GHR: variants seen among roughly 807,000 people sequenced by gnomAD.
GHR encodes GH receptor.
GHR carries 35 observed loss-of-function variants against 67.1 expected under a neutral mutation model. The ratio of observed to expected loss-of-function variants is 0.52; its 90% CI spans 0.40 to 0.69. The LOEUF (loss-of-function observed/expected upper bound fraction) is 0.69, where lower values mean the gene tolerates loss of function less well. GHR is among the 30% of genes least tolerant of loss of function. The probability of loss-of-function intolerance (pLI) is 0.00; values close to 1 mark genes in which losing one functional copy is unlikely to be tolerated. For synonymous variants in GHR, 272 were observed against 269.1 expected, an observed-to-expected ratio of 1.01 and a Z score of -0.10; for missense variants, 792 against 764.6, an observed-to-expected ratio of 1.04 and a Z score of -0.42.
Position 42,603,773 on chromosome 5 carries a change from G to A in GHR, c.71-25265G>A, listed in dbSNP as rs190325598. ...CCTTCACACAACAAGTAAGCAATCA[G>A]TTCTGCAGTAAATACCAGTTTGGTG... On this transcript the variant is annotated intron_variant, in intron 2 of 9. Transcript: ENST00000230882. Among the ~76,000 whole-genome samples the A allele has an allele frequency of 9.5e-4, 144 of 152,284 alleles. 1 individual carries two copies. Among genetic ancestry groups the A allele is most frequent in the African/African-American group, 3.4e-3 (142 of 41,560 alleles).
chr5:42,527,929 G>A (rs1055488845), intron 1 of GHR, among the ~76,000 whole-genome samples: 2 of 152,132 alleles, frequency 1.3e-5, no homozygotes, highest in Non-Finnish European at 2.9e-5. Flanking sequence ...CAATACATGT[G>A]TAATAGTACA....
intron 1 of GHR, among the ~76,000 whole-genome samples, chr5:42,540,218 TC>T (rs1748444831): frequency 1.3e-5 from 2 of 151,780 alleles, no homozygotes; most frequent in Non-Finnish European, 2.9e-5. Context: ...TCTCTCTCTC[TC>T]TGTATCTCTC....
intron 3 of GHR, among the ~76,000 whole-genome samples, chr5:42,676,221 G>A (rs538387471): frequency 6.6e-6 from 1 of 152,190 alleles, no homozygotes; most frequent in Admixed American, 6.5e-5. Context: ...GGAGGCGGAG[G>A]TTGCAGTGAG....
At chr5:42,443,907 C>G (rs192690193) in intron 1 of GHR, among the ~76,000 whole-genome samples, 1 of 151,586 alleles carries the variant, frequency 6.6e-6, no homozygotes, top group African/African-American at 2.4e-5. Context: ...TAATGTTTGA[C>G]AACATATCTG....
intron 3 of GHR, among the ~76,000 whole-genome samples, chr5:42,658,479 A>G (rs1755379271): frequency 6.6e-6 from 1 of 152,238 alleles, no homozygotes; most frequent in Non-Finnish European, 1.5e-5. Flanking sequence ...ACTTAGCACA[A>G]AGTAGGAGCT....
chr5:42,514,995 A>T (rs1224268686), intron 1 of GHR: 1 of 132,418 alleles, frequency 7.6e-6, no homozygotes, highest in Non-Finnish European at 1.7e-5. Flanking sequence ...TCAGGAGCAC[A>T]GACTGAATTT....
chr5:42,677,135 C>T (rs1756608416), intron 3 of GHR, among the ~76,000 whole-genome samples: 1 of 152,064 alleles, frequency 6.6e-6, no homozygotes, highest in Non-Finnish European at 1.5e-5. Context: ...AGTTTTGGCT[C>T]AGAATGCTGG....
At chr5:42,513,346 A>G (rs1268598964) in intron 1 of GHR, among the ~76,000 whole-genome samples, 4 of 152,238 alleles carry the variant, frequency 2.6e-5, no homozygotes, top group African/African-American at 4.8e-5. Flanking sequence ...TGGATTATCC[A>G]GCTCTAGTCT....
intron 2 of GHR, among the ~76,000 whole-genome samples, chr5:42,582,012 T>C (rs1384507434): frequency 6.6e-6 from 1 of 152,218 alleles, no homozygotes; most frequent in Non-Finnish European, 1.5e-5. Flanking sequence ...TGGTCAGGTG[T>C]GCACACACTC....
intron 1 of GHR, among the ~76,000 whole-genome samples, chr5:42,497,395 TTGACTTTAAG>T: frequency 6.6e-6 from 1 of 152,322 alleles, no homozygotes; most frequent in East Asian, 1.9e-4. Context: ...TCTGTTGGTT[TTGACTTTAAG>T]CTCTCTGGCT....
intron 3 of GHR, among the ~76,000 whole-genome samples, chr5:42,641,584 A>G (rs977168633): frequency 9.9e-5 from 15 of 152,076 alleles, no homozygotes; most frequent in African/African-American, 3.4e-4. Context: ...AGGGAAGGGA[A>G]TATTTCCCAC....
chr5:42,445,300 C>G (rs749802120), intron 1 of GHR, among the ~76,000 whole-genome samples: 7 of 152,108 alleles, frequency 4.6e-5, no homozygotes, highest in Non-Finnish European at 7.3e-5. Flanking sequence ...AATGTTATTG[C>G]TAATGCACAT....
intron 1 of GHR, among the ~76,000 whole-genome samples, chr5:42,452,045 T>G (rs1744073723): frequency 6.6e-6 from 1 of 152,220 alleles, no homozygotes; most frequent in African/African-American, 2.4e-5. Context: ...TATTTCAAGG[T>G]TTTGTTTCAA....
intron 3 of GHR, among the ~76,000 whole-genome samples, chr5:42,645,315 T>G (rs570853126): frequency 6.6e-6 from 1 of 152,242 alleles, no homozygotes; most frequent in Non-Finnish European, 1.5e-5. Context: ...TGATGTGAGC[T>G]ATCAAATATT....
intron 1 of GHR, among the ~76,000 whole-genome samples, chr5:42,474,333 G>GAAAGAAAGAAATAAAGAAAAGAAAT (rs144590349): frequency 6.7e-6 from 1 of 149,106 alleles, no homozygotes; most frequent in Non-Finnish European, 1.5e-5. Context: ...AAGAAAGAAA[G>GAAAGAAAGAAATAAAGAAAAGAAAT]AAAGAAAAGA....
chr5:42,560,005 C>T (rs1339690143), intron 1 of GHR, among the ~76,000 whole-genome samples: 1 of 152,060 alleles, frequency 6.6e-6, no homozygotes, highest in Non-Finnish European at 1.5e-5. Flanking sequence ...TCTTAGTAAT[C>T]AATGTTGGCA....
intron 3 of GHR, among the ~76,000 whole-genome samples, chr5:42,653,457 A>G (rs966679644): frequency 6.6e-6 from 1 of 152,142 alleles, no homozygotes; most frequent in Non-Finnish European, 1.5e-5. Flanking sequence ...TCATTGATCA[A>G]AAAGCACCAA....
At chr5:42,484,026 T>C (rs1745773699) in intron 1 of GHR, among the ~76,000 whole-genome samples, 1 of 152,076 alleles carries the variant, frequency 6.6e-6, no homozygotes, top group Admixed American at 6.6e-5. Flanking sequence ...CACATAGCTC[T>C]GTGCAGAACG....
chr5:42,576,930 A>G (rs1408198421), intron 2 of GHR, among the ~76,000 whole-genome samples: 1 of 152,236 alleles, frequency 6.6e-6, no homozygotes, highest in East Asian at 1.9e-4. Flanking sequence ...TAGCATGTAC[A>G]ATACCTGGTA....
Sources: allele counts gnomAD v4.1 joint callset (sites outside exome capture counted in the v4.1 genomes callset), GRCh38; gene constraint gnomAD v4.1.1; transcripts MANE v1.5; gene names NCBI Gene and HGNC (gene_info 2026-07-23, HGNC 2026-07-21).